The following FOLH1 variants were observed in gnomAD, a reference collection of about 807,000 sequenced individuals.
The protein encoded by FOLH1 is folate hydrolase 1, also known as glutamate carboxypeptidase 2.
A neutral mutation model predicts 93.9 loss-of-function variants in FOLH1; 54 were observed. The observed-to-expected ratio is 0.57, with a 90% confidence interval of 0.46 to 0.72. The LOEUF (loss-of-function observed/expected upper bound fraction) is 0.72. FOLH1 is among the 30% of genes least tolerant of loss of function. The pLI, the probability that FOLH1 is intolerant of heterozygous loss-of-function variation, is 0.00. For missense variants in FOLH1, 571 were observed against 892.5 expected (o/e 0.64, Z 4.59); for synonymous variants, 249 against 303.6 (o/e 0.82, Z 1.87).
chr11:49,207,959 AAAC>A (rs1381456877), intron 1 of FOLH1: 1 of 561,880 alleles, frequency 1.8e-6, no homozygotes, highest in Admixed American at 2.2e-5. Flanking sequence ...AAACAAAACA[AAAC>A]AAAACAAAAC....
intron 2 of FOLH1, among the ~76,000 whole-genome samples, chr11:49,204,002 G>A (rs962604144): frequency 3.3e-5 from 5 of 152,186 alleles, no homozygotes; most frequent in African/African-American, 1.2e-4. Flanking sequence ...GGGCATGCGT[G>A]TTAGAGACAA....
intron 7 of FOLH1, 29 bp from the exon 8 acceptor site, chr11:49,175,986 C>T (rs1202449411): frequency 6.2e-7 from 1 of 1,601,146 alleles, no homozygotes; most frequent in African/African-American, 1.3e-5. Context: ...CATTATTAGC[C>T]ACAAAAAAAC....
At chr11:49,150,529 TGCCTGGC>T (rs1856390018) in intron 17 of FOLH1, among the ~76,000 whole-genome samples, 3 of 152,166 alleles carry the variant, frequency 2.0e-5, no homozygotes, top group Admixed American at 2.0e-4. Context: ...TTTAGTAAGA[TGCCTGGC>T]AAATTATAAA....
At chr11:49,202,549 A>G (rs1483570064) in intron 2 of FOLH1, among the ~76,000 whole-genome samples, 1 of 152,172 alleles carries the variant, frequency 6.6e-6, no homozygotes, top group Non-Finnish European at 1.5e-5. Context: ...GATAAGTTAA[A>G]AAAATATTTT....
chr11:49,206,317 C>A (rs1254052356), intron 1 of FOLH1, 145 bp from the exon 2 acceptor site: 3 of 1,182,650 alleles, frequency 2.5e-6, no homozygotes, highest in Non-Finnish European at 3.6e-6. Flanking sequence ...ATTTTAATTT[C>A]TCTTGCCTAC....
At chr11:49,197,135 G>A (rs1270247217) in intron 3 of FOLH1, among the ~76,000 whole-genome samples, 1 of 152,098 alleles carries the variant, frequency 6.6e-6, no homozygotes, top group Admixed American at 6.6e-5. Context: ...ATGCTGAGGT[G>A]CAATAAAAAT....
rs117055642 is a variant in FOLH1 at position 49,164,054 on chromosome 11, T to C, written c.1440+651A>G. Reference sequence around the variant, plus strand: ...CAATGTGAGTATCTGCTCGTTTCAGTTGAAGGTGCTGTATTTACTTGCCCC... The same window carrying C: ...CAATGTGAGTATCTGCTCGTTTCAGCTGAAGGTGCTGTATTTACTTGCCCC... On this transcript the variant is annotated intron_variant, in intron 13 of 18. Transcript: ENST00000256999. Among the ~76,000 whole-genome samples, 207 of 152,292 alleles carry C rather than the reference T, an allele frequency of 1.4e-3. 4 individuals carry two copies. The East Asian group carries it at 0.036, about 26-fold the overall frequency.
intron 4 of FOLH1, 139 bp from the exon 5 acceptor site, chr11:49,186,908 A>C (rs1861449331): frequency 1.3e-6 from 1 of 778,376 alleles, no homozygotes; most frequent in African/African-American, 1.8e-5. Context: ...GCTCCAAAGA[A>C]GAGATTCAAG....
intron 1 of FOLH1, among the ~76,000 whole-genome samples, chr11:49,206,497 A>G (rs974732979): frequency 6.6e-6 from 1 of 152,238 alleles, no homozygotes; most frequent in African/African-American, 2.4e-5. Flanking sequence ...GGTGTAAACG[A>G]GATGTTCTGA....
At position 49,208,502 on chromosome 11, in the gene FOLH1, C is replaced by G; in HGVS notation, c.-93G>C. On this transcript the variant is annotated 5_prime_UTR_variant, in exon 1 of 19. Transcript: ENST00000256999. Reference sequence around the variant, plus strand: ...ACCACCACGGCGGGGTAAAGTCTCTCTCAATCTCACTAATGCCTCGCTTAT... The same window carrying G: ...ACCACCACGGCGGGGTAAAGTCTCTGTCAATCTCACTAATGCCTCGCTTAT... 1.2e-6 allele frequency: 1 copy of G among 811,062 alleles called. No individual in the cohort carries two copies. Among genetic ancestry groups the G allele is most frequent in the Non-Finnish European group, 2.0e-6 (1 of 512,398 alleles). 50.2% of individuals were successfully genotyped at this position (811,062 alleles called of 1,614,324 possible). A position where few individuals can be genotyped will look rare whatever the true frequency, so the allele number is the denominator to read the frequency against.
chr11:49,183,679 C>T (rs1276551233), intron 6 of FOLH1, among the ~76,000 whole-genome samples: 6 of 151,826 alleles, frequency 4.0e-5, no homozygotes, highest in Non-Finnish European at 8.8e-5. Context: ...GAATGCTACT[C>T]AATCATCAAA....
rs530434023 is a variant in FOLH1, at chr11:49,154,504, A to G, written c.1624-12T>C. ...AATTTGTTTGTTTCCTACAGAAAAA[A>G]CAACAAAACATATCTCTTATAGGAT... is the stretch of plus-strand genomic sequence containing the variant. On this transcript the variant is annotated splice_polypyrimidine_tract_variant and intron_variant, in intron 15 of 18. Transcript: ENST00000256999. 3 of 1,547,076 alleles carry G rather than the reference A, an allele frequency of 1.9e-6. No individual in the cohort carries two copies. The East Asian group carries it at 6.9e-5, about 36-fold the overall frequency.
At chr11:49,200,010 TA>T (rs1262962950) in intron 3 of FOLH1, among the ~76,000 whole-genome samples, 1 of 152,156 alleles carries the variant, frequency 6.6e-6, no homozygotes, top group East Asian at 1.9e-4. Flanking sequence ...TGTGTAGTAC[TA>T]AAAACTAAAA....
At chr11:49,200,118 T>C in intron 3 of FOLH1, 137 bp downstream of exon 3, 1 of 862,872 alleles carries the variant, frequency 1.2e-6, no homozygotes, top group Non-Finnish European at 1.7e-6. Flanking sequence ...TAATGAGATA[T>C]TAAAGGTATT....
intron 13 of FOLH1, among the ~76,000 whole-genome samples, chr11:49,160,380 T>C (rs1857554533): frequency 6.6e-6 from 1 of 152,134 alleles, no homozygotes; most frequent in Non-Finnish European, 1.5e-5. Flanking sequence ...TGGGGTTTGT[T>C]TGCTTTTGTT....
At chr11:49,191,564 A>G (rs993335681) in intron 4 of FOLH1, among the ~76,000 whole-genome samples, 1 of 152,272 alleles carries the variant, frequency 6.6e-6, no homozygotes, top group Non-Finnish European at 1.5e-5. Context: ...TAGTAATGTC[A>G]AAGTCCAAAA....
chr11:49,148,062 A>C (rs907728222), intron 18 of FOLH1, among the ~76,000 whole-genome samples: 6 of 152,064 alleles, frequency 3.9e-5, no homozygotes, highest in Non-Finnish European at 7.4e-5. Flanking sequence ...AGTTAGGGCC[A>C]TTTCTGGCTG....
In FOLH1 at chr11:49,208,511, A is replaced by C; in HGVS notation, c.-102T>G. The C allele has an allele frequency of 1.0e-4, 76 of 738,528 alleles. No individual in the cohort carries two copies. The highest frequency in any genetic ancestry group is 1.4e-4 in the Non-Finnish European group (63 of 454,884). 45.7% of individuals were successfully genotyped at this position (738,528 alleles called of 1,614,324 possible). A position where few individuals can be genotyped will look rare whatever the true frequency, so the allele number is the denominator to read the frequency against. ...GCGGGGTAAAGTCTCTCTCAATCTCACTAATGCCTCGCTTATCAGCCCTGC... is the reference window on the plus strand; with the variant it reads ...GCGGGGTAAAGTCTCTCTCAATCTCCCTAATGCCTCGCTTATCAGCCCTGC... On this transcript the variant is annotated 5_prime_UTR_variant, in exon 1 of 19. Transcript: ENST00000256999.
At chr11:49,168,380 G>A (rs1468438175) in intron 12 of FOLH1, among the ~76,000 whole-genome samples, 2 of 152,146 alleles carry the variant, frequency 1.3e-5, no homozygotes, top group African/African-American at 4.8e-5. Context: ...TAGTGAAAAT[G>A]GACTCTTTCA....
Sources: allele counts gnomAD v4.1 joint callset (sites outside exome capture counted in the v4.1 genomes callset), GRCh38; gene constraint gnomAD v4.1.1; transcripts MANE v1.5; gene names NCBI Gene and HGNC (gene_info 2026-07-23, HGNC 2026-07-21).